Variants in C1orf94 observed in about 807,000 individuals in gnomAD.
C1orf94 encodes chromosome 1 open reading frame 94.
A neutral mutation model predicts 53.6 loss-of-function variants in C1orf94; 45 were observed. The observed-to-expected ratio is 0.84, with a 90% CI of 0.66 to 1.08. The LOEUF (loss-of-function observed/expected upper bound fraction) is 1.08. Among genes scored for constraint, C1orf94 ranks in the 50% least tolerant of loss-of-function variants. The pLI is 0.00. For synonymous variants in C1orf94, 304 were observed against 296.1 expected (o/e 1.03, Z -0.27); for missense variants, 762 against 738.9 (o/e 1.03, Z -0.36).
Position 34,177,868 on chromosome 1 carries a change from G to T in C1orf94, c.79G>T (p.Gly27Trp), listed in dbSNP as rs1445868579. ...FQKERRRMAS[G>W]NGLPSSSALV... Reference sequence around the variant, plus strand: ...GAAAGAGAGGAGGAGGATGGCCAGCGGGAATGGGCTTCCTTCATCCTCGGC... The same window carrying T: ...GAAAGAGAGGAGGAGGATGGCCAGCTGGAATGGGCTTCCTTCATCCTCGGC... The change falls in exon 1 of 7, where the codon GGG becomes TGG. Residue 27 changes from glycine (G) to tryptophan (W), a missense_variant. Coordinates refer to ENST00000488417, the MANE Select transcript of C1orf94 (RefSeq NM_001134734.2). The T allele has an allele frequency of 6.4e-7, 1 of 1,551,332 alleles. No homozygotes were observed. The highest frequency in any genetic ancestry group is 1.2e-5 in the South Asian group (1 of 84,066).
chr1:34,197,379 C>T lies in C1orf94; in HGVS notation c.475C>T (p.Pro159Ser). ...SSPEGTRELA[P>S]CILAPPLVAG... is the part of the protein sequence containing the mutation. ...TCCCGAGGGGACCAGAGAGCTGGCT[C>T]CCTGCATTCTTGCCCCTCCTCTAGT... is the stretch of plus-strand genomic sequence containing the variant. The change falls in exon 2 of 7, where the codon CCC (proline) becomes TCC (serine). Residue 159 changes from proline (P) to serine (S), a missense_variant. By Grantham distance (74) the Pro-to-Ser change is moderately conservative. Coordinates refer to ENST00000488417, the MANE Select transcript of C1orf94 (RefSeq NM_001134734.2). The surrounding 1 kb of genome is among the most constrained non-coding windows in gnomAD (Gnocchi z 4.1). The T allele has an allele frequency of 1.2e-6, 2 of 1,613,094 alleles. No individual in the cohort carries two copies. Among genetic ancestry groups the T allele is most frequent in the Non-Finnish European group, 8.5e-7 (1 of 1,179,438 alleles).
chr1:34,169,717 A>T (rs1156616394), intron 1 of C1orf94, among the ~76,000 whole-genome samples: 2 of 152,184 alleles, frequency 1.3e-5, no homozygotes, highest in Non-Finnish European at 2.9e-5. Flanking sequence ...GGGCTACAGG[A>T]CAAAGATGGG....
chr1:34,189,599 C>T (rs998359072), intron 1 of C1orf94, among the ~76,000 whole-genome samples: 30 of 151,076 alleles, frequency 2.0e-4, no homozygotes, highest in African/African-American at 7.1e-4. Context: ...CTCAGAAGTG[C>T]CCACCGGCCT....
chr1:34,175,751 C>A (rs541356392), upstream of C1orf94, among the ~76,000 whole-genome samples: 26 of 152,202 alleles, frequency 1.7e-4, no homozygotes, highest in East Asian at 3.3e-3. Flanking sequence ...TTTATTAACA[C>A]CATTTTACAG....
intron 2 of C1orf94, 119 bp downstream of exon 2, chr1:34,198,032 C>A: frequency 1.8e-6 from 2 of 1,108,200 alleles, no homozygotes; most frequent in Admixed American, 2.8e-5. Flanking sequence ...ACAAAGCAGC[C>A]TCTCTGGTGG....
intron 5 of C1orf94, 69 bp from the exon 6 acceptor site, chr1:34,212,141 G>C: frequency 7.1e-7 from 1 of 1,414,088 alleles, no homozygotes; most frequent in Non-Finnish European, 9.6e-7. Flanking sequence ...GAGACTGGGG[G>C]TGGGTGGCTG....
At chr1:34,217,921 G>GC (rs1241891415) in intron 6 of C1orf94, among the ~76,000 whole-genome samples, 1 of 152,178 alleles carries the variant, frequency 6.6e-6, no homozygotes, top group African/African-American at 2.4e-5. Flanking sequence ...AAGTATCTGA[G>GC]CAGATGGGTG....
intron 1 of C1orf94, among the ~76,000 whole-genome samples, chr1:34,184,737 C>A (rs967379302): frequency 6.6e-6 from 1 of 152,200 alleles, no homozygotes; most frequent in African/African-American, 2.4e-5. Context: ...GCTCTCCCAA[C>A]AAACATCTCT....
chr1:34,205,517 T>G (rs182430624), intron 4 of C1orf94, among the ~76,000 whole-genome samples: 1 of 152,304 alleles, frequency 6.6e-6, no homozygotes, highest in East Asian at 1.9e-4. Context: ...ATTTGTGAAA[T>G]GGGTTCATAA....
At chr1:34,195,732 T>C (rs1278269812) in intron 1 of C1orf94, among the ~76,000 whole-genome samples, 2 of 152,104 alleles carry the variant, frequency 1.3e-5, no homozygotes, top group African/African-American at 4.8e-5. Context: ...CCCCTGGGTC[T>C]GTGTATGGTG....
intron 6 of C1orf94, among the ~76,000 whole-genome samples, chr1:34,214,946 A>G (rs913703735): frequency 2.6e-5 from 4 of 152,226 alleles, no homozygotes; most frequent in Middle Eastern, 3.4e-3. Flanking sequence ...TGTTCATTCA[A>G]AAAATATTGA....
intron 1 of C1orf94, among the ~76,000 whole-genome samples, chr1:34,181,954 G>A (rs1642316492): frequency 1.3e-5 from 2 of 152,210 alleles, no homozygotes; most frequent in Non-Finnish European, 2.9e-5. Context: ...AACACTTTGG[G>A]AGGCTGAGGT....
At chr1:34,172,469 C>T (rs996151929), upstream of C1orf94, among the ~76,000 whole-genome samples, 1 of 152,152 alleles carries the variant, frequency 6.6e-6, no homozygotes, top group Non-Finnish European at 1.5e-5. Context: ...CTACCCCAAA[C>T]CTATTGTTTT....
chr1:34,217,418 G>A (rs1267059272), intron 6 of C1orf94, among the ~76,000 whole-genome samples: 2 of 152,158 alleles, frequency 1.3e-5, no homozygotes, highest in African/African-American at 4.8e-5. Context: ...CCTTTATTTT[G>A]TAAGTCAGAG....
At position 34,208,227 on chromosome 1, in the gene C1orf94, C is replaced by G. The variant is rs1456016239; in HGVS notation, c.1517C>G (p.Ser506Cys). 6.2e-7 allele frequency: 1 copy of G among 1,613,792 alleles called. No individual in the cohort carries two copies. Among genetic ancestry groups the G allele is most frequent in the East Asian group, 2.2e-5 (1 of 44,862 alleles). Reference sequence around the variant, plus strand: ...TTGCACCCGCAGCTGGGATGTTACTCCCAACAGGTGAGTAGACGATCTCTC... The same window carrying G: ...TTGCACCCGCAGCTGGGATGTTACTGCCAACAGGTGAGTAGACGATCTCTC... ...QALHPQLGCYSQQVMPYNPQQ... is the reference protein window; with the variant it reads ...QALHPQLGCYCQQVMPYNPQQ... Residue 506 changes from serine (S) to cysteine (C), a missense_variant, in exon 5 of 7, where the codon TCC (serine) becomes TGC (cysteine). Ser to Cys is a moderately radical substitution (Grantham distance 112). Coordinates refer to ENST00000488417, the MANE Select transcript of C1orf94 (RefSeq NM_001134734.2).
Position 34,202,253 on chromosome 1 carries a change from G to T in C1orf94, c.1440G>T (p.Gln480His). The T allele has an allele frequency of 1.2e-6, 2 of 1,614,006 alleles. No homozygotes were observed. The highest frequency in any genetic ancestry group is 1.7e-6 in the Non-Finnish European group (2 of 1,179,950). Reference protein sequence around the residue: ...PVFTNHSTFLQYQGLYPQQAA... With the variant: ...PVFTNHSTFLHYQGLYPQQAA... Reference sequence around the variant, plus strand: ...TCACGAATCACTCTACCTTCTTGCAGTATCAGGTCAGTGAGCTGGCCTGGC... The same window carrying T: ...TCACGAATCACTCTACCTTCTTGCATTATCAGGTCAGTGAGCTGGCCTGGC... The change falls in exon 4 of 7, where the codon CAG becomes CAT. Residue 480 changes from glutamine (Q) to histidine (H), a missense_variant. Physicochemically the swap from Gln to His is conservative, Grantham distance 24. Transcript: ENST00000488417.
chr1:34,178,995 AACCG>A (rs1642273780), intron 1 of C1orf94, among the ~76,000 whole-genome samples: 4 of 152,222 alleles, frequency 2.6e-5, no homozygotes, highest in Non-Finnish European at 5.9e-5. Context: ...ATTAAAGACT[AACCG>A]ATAATTAAGT....
At chr1:34,192,630 T>C (rs2783982) in intron 1 of C1orf94, among the ~76,000 whole-genome samples, 20,168 of 152,066 alleles carry the variant, frequency 0.13, 1,898 homozygotes, top group African/African-American at 0.27. Flanking sequence ...AAAAAGGATA[T>C]TATTAAATTA....
rs144073935 is a variant in C1orf94, at chr1:34,203,820, C to T, written c.1446+1561C>T. 9.8e-5 allele frequency among the ~76,000 whole-genome samples: 15 copies of T among 152,348 alleles called. No homozygotes were observed. The East Asian group carries it at 2.9e-3, about 29-fold the overall frequency. On this transcript the variant is annotated intron_variant, in intron 4 of 6. Coordinates refer to ENST00000488417, the MANE Select transcript of C1orf94 (RefSeq NM_001134734.2). ...AATATCCCTTAAGAGCTGCCGCCCA[C>T]TGGGTAGAAGGAGGGAAAAATTAAA... is the stretch of plus-strand genomic sequence containing the variant.
Sources: gnomAD v4.1 joint callset for allele counts (sites outside exome capture counted in the v4.1 genomes callset) on GRCh38, gnomAD v4.1.1 for gene constraint, Gnocchi (gnomAD v3.1) non-coding constraint, MANE v1.5 for transcripts, NCBI Gene and HGNC (gene_info 2026-07-23, HGNC 2026-07-21) for gene names.